Variants in ADAMTSL3 observed in about 807,000 individuals in gnomAD.
ADAMTSL3 encodes the protein ADAMTS-like protein 3.
ADAMTSL3 carries 128 observed loss-of-function variants against 201.7 expected under a neutral mutation model. The ratio of observed to expected loss-of-function variants is 0.63; its 90% CI spans 0.55 to 0.73. The LOEUF is 0.73. ADAMTSL3 is among the 30% of genes least tolerant of loss of function. ADAMTSL3 has a pLI of 0.00. For missense variants in ADAMTSL3, 1,990 were observed against 2,119.6 expected (o/e 0.94, Z 1.20); for synonymous variants, 738 against 748.4 (o/e 0.99, Z 0.23).
At chr15:83,882,469 T>G (rs1005113810) in intron 9 of ADAMTSL3, among the ~76,000 whole-genome samples, 5 of 152,256 alleles carry the variant, frequency 3.3e-5, no homozygotes, top group Non-Finnish European at 7.3e-5. Flanking sequence ...TTTACTGATT[T>G]ATTTAATCAT....
chr15:83,704,608 T>G, intron 3 of ADAMTSL3, 100 bp downstream of exon 3: 1 of 1,502,752 alleles, frequency 6.7e-7, no homozygotes, highest in Non-Finnish European at 9.0e-7. Context: ...TTTTCCTCTT[T>G]GCAATACAAG....
At chr15:83,970,358 T>C (rs1035297108) in intron 19 of ADAMTSL3, 126 bp from the exon 20 acceptor site, 18 of 1,048,978 alleles carry the variant, frequency 1.7e-5, no homozygotes, top group Non-Finnish European at 2.3e-5. Context: ...GCCTAGGAAA[T>C]GGCTTTCTTC....
intron 6 of ADAMTSL3, among the ~76,000 whole-genome samples, chr15:83,827,290 T>A (rs1389349931): frequency 6.6e-6 from 1 of 152,254 alleles, no homozygotes; most frequent in African/African-American, 2.4e-5. Context: ...ATGTGTCTGT[T>A]GGCTGTATAA....
intron 27 of ADAMTSL3, among the ~76,000 whole-genome samples, chr15:84,030,529 C>T (rs777655532): frequency 2.6e-5 from 4 of 152,166 alleles, no homozygotes; most frequent in African/African-American, 4.8e-5. Flanking sequence ...ACTGCCTGTA[C>T]CTCCACTGTA....
intron 17 of ADAMTSL3, among the ~76,000 whole-genome samples, chr15:83,938,676 T>C (rs1215078827): frequency 6.6e-6 from 1 of 152,242 alleles, no homozygotes; most frequent in African/African-American, 2.4e-5. Flanking sequence ...CATTAACTTA[T>C]TCTCAAAATC....
chr15:83,686,502 A>G (rs974524901), intron 2 of ADAMTSL3, among the ~76,000 whole-genome samples: 6 of 152,206 alleles, frequency 3.9e-5, no homozygotes, highest in African/African-American at 1.4e-4. Flanking sequence ...TCAGGAATCA[A>G]ATGATTTAGT....
At chr15:83,852,903 C>G (rs1265632829) in intron 7 of ADAMTSL3, among the ~76,000 whole-genome samples, 1 of 152,146 alleles carries the variant, frequency 6.6e-6, no homozygotes, top group African/African-American at 2.4e-5. Flanking sequence ...GTCGCCCAGG[C>G]TGGAATGCAG....
intron 3 of ADAMTSL3, among the ~76,000 whole-genome samples, chr15:83,758,298 G>A (rs2062752677): frequency 6.6e-6 from 1 of 152,222 alleles, no homozygotes; most frequent in Non-Finnish European, 1.5e-5. Context: ...GGAAGGAAGA[G>A]CAAAGGGACA....
chr15:83,822,210 C>T (rs1182433722), intron 6 of ADAMTSL3, among the ~76,000 whole-genome samples: 119 of 141,318 alleles, frequency 8.4e-4, no homozygotes, highest in Non-Finnish European at 1.1e-3. Flanking sequence ...GGGTGGCTGC[C>T]GGGCGGAGAC....
At chr15:83,713,844 C>T (rs1379000150) in intron 3 of ADAMTSL3, among the ~76,000 whole-genome samples, 6 of 152,126 alleles carry the variant, frequency 3.9e-5, no homozygotes, top group African/African-American at 1.4e-4. Context: ...AAAGTGTAGG[C>T]ACAGTTTGCA....
Position 83,671,477 on chromosome 15 carries a change from T to G in ADAMTSL3, c.69+15647T>G, listed in dbSNP as rs1323693075. Among the ~76,000 whole-genome samples the G allele has an allele frequency of 1.1e-4, 16 of 152,240 alleles. 1 individual carries two copies. The highest frequency in any genetic ancestry group is 1.0e-3 in the Admixed American group (16 of 15,288). On this transcript the variant is annotated intron_variant, in intron 2 of 29. Coordinates refer to ENST00000286744, the MANE Select transcript of ADAMTSL3 (RefSeq NM_207517.3). ...TATTTTATACTATTTTAAAATATTT[T>G]CAAGTTATTTTGCAGTGATATTTTG... is the stretch of plus-strand genomic sequence containing the variant.
intron 3 of ADAMTSL3, among the ~76,000 whole-genome samples, chr15:83,750,710 C>G (rs2062624997): frequency 1.3e-5 from 2 of 152,078 alleles, no homozygotes; most frequent in Admixed American, 1.3e-4. Context: ...TGCCACCACA[C>G]CCAGCTAATT....
intron 2 of ADAMTSL3, among the ~76,000 whole-genome samples, chr15:83,673,740 A>T (rs915579683): frequency 2.6e-5 from 4 of 152,232 alleles, no homozygotes; most frequent in African/African-American, 9.6e-5. Context: ...TTTGTAACAT[A>T]GGATTAGCAC....
intron 19 of ADAMTSL3, among the ~76,000 whole-genome samples, chr15:83,966,776 T>G (rs567256576): frequency 4.3e-4 from 66 of 151,928 alleles, no homozygotes; most frequent in Non-Finnish European, 8.2e-4. Context: ...AATGCGAAAA[T>G]CTTCAATAAA....
At chr15:83,723,751 AAT>A (rs1414081759) in intron 3 of ADAMTSL3, among the ~76,000 whole-genome samples, 1 of 152,168 alleles carries the variant, frequency 6.6e-6, no homozygotes, top group Non-Finnish European at 1.5e-5. Flanking sequence ...AAAAAGCAAA[AAT>A]AACAGTGGTT....
chr15:83,980,483 A>C (rs2067368069), intron 20 of ADAMTSL3, among the ~76,000 whole-genome samples: 1 of 152,196 alleles, frequency 6.6e-6, no homozygotes, highest in Admixed American at 6.5e-5. Context: ...GAAAGTTCAA[A>C]ATTGTATTCT....
chr15:83,822,284 G>T, intron 6 of ADAMTSL3, among the ~76,000 whole-genome samples: 1 of 138,022 alleles, frequency 7.2e-6, no homozygotes, highest in South Asian at 2.5e-4. Flanking sequence ...CAGACGGGGC[G>T]GCTGCCGGGC....
chr15:83,794,756 A>T (rs573915718), intron 4 of ADAMTSL3, among the ~76,000 whole-genome samples: 1 of 152,236 alleles, frequency 6.6e-6, no homozygotes, highest in South Asian at 2.1e-4. Context: ...TCAGTCTCCT[A>T]GTTGTATTCT....
At chr15:83,718,901 AT>A (rs771128544) in intron 3 of ADAMTSL3, among the ~76,000 whole-genome samples, 4 of 152,220 alleles carry the variant, frequency 2.6e-5, no homozygotes, top group Non-Finnish European at 5.9e-5. Flanking sequence ...CCTTTTCTAT[AT>A]GAACAATATC....
Sources: gnomAD v4.1 joint callset for allele counts (sites outside exome capture counted in the v4.1 genomes callset) on GRCh38, gnomAD v4.1.1 for gene constraint, MANE v1.5 for transcripts, NCBI Gene and HGNC (gene_info 2026-07-23, HGNC 2026-07-21) for gene names.